The following DLG2 variants were observed in gnomAD, a reference collection of about 807,000 sequenced individuals.
DLG2 encodes the protein disks large homolog 2.
In DLG2, 45 loss-of-function variants were observed where a neutral mutation model predicts 132.5. The observed-to-expected ratio is 0.34, with a 90% CI of 0.27 to 0.44. The LOEUF (loss-of-function observed/expected upper bound fraction) is 0.44, where lower values mean the gene tolerates loss of function less well. DLG2 is among the 20% of genes least tolerant of loss of function. DLG2 has a pLI of 1.00. For missense variants in DLG2, 1,045 were observed against 1,196.9 expected (o/e 0.87, Z 1.87); for synonymous variants, 424 against 419.6 (o/e 1.01, Z -0.13).
At chr11:84,041,989 A>C (rs894281526) in intron 11 of DLG2, among the ~76,000 whole-genome samples, 2 of 151,790 alleles carry the variant, frequency 1.3e-5, no homozygotes, top group Non-Finnish European at 2.9e-5. Flanking sequence ...TGTGCCTTTC[A>C]CCTTCCACCA....
chr11:83,505,411 G>A (rs2094643631), intron 21 of DLG2, among the ~76,000 whole-genome samples: 1 of 152,184 alleles, frequency 6.6e-6, no homozygotes, highest in African/African-American at 2.4e-5. Context: ...GGCCCATTGG[G>A]CGATGACAGG....
chr11:84,109,177 C>T (rs2093179596), intron 9 of DLG2, among the ~76,000 whole-genome samples: 1 of 151,982 alleles, frequency 6.6e-6, no homozygotes, highest in Non-Finnish European at 1.5e-5. Flanking sequence ...CTGTGTTAGA[C>T]CTTACAATTG....
intron 4 of DLG2, among the ~76,000 whole-genome samples, chr11:85,265,520 C>T (rs1456166794): frequency 1.3e-5 from 2 of 152,206 alleles, no homozygotes; most frequent in Non-Finnish European, 2.9e-5. Context: ...CTGATAGAGG[C>T]AGGAGGCAGA....
rs371833696 is a variant in DLG2, at chr11:85,519,942, C to T, written c.40+78715G>A. On this transcript the variant is annotated intron_variant, in intron 3 of 27. Coordinates refer to ENST00000376104, the MANE Select transcript of DLG2 (RefSeq NM_001142699.3). ...CATGATTGTGAGGCCTCCCCAGCCA[C>T]GTAGAACTGTAAGTCCAATAAACCC... Among the ~76,000 whole-genome samples, 45 of 152,220 alleles carry T rather than the reference C, an allele frequency of 3.0e-4. No homozygotes were observed. In the South Asian group the frequency reaches 6.2e-3, roughly 21 times the overall value.
intron 11 of DLG2, among the ~76,000 whole-genome samples, chr11:84,015,769 T>C (rs893829592): frequency 1.3e-5 from 2 of 152,230 alleles, no homozygotes; most frequent in African/African-American, 4.8e-5. Flanking sequence ...CCACATTTTC[T>C]TTATCTAGTC....
chr11:83,787,283 C>G (rs536773091), intron 17 of DLG2, among the ~76,000 whole-genome samples: 3 of 148,946 alleles, frequency 2.0e-5, no homozygotes, highest in African/African-American at 7.5e-5. Context: ...CCTTGTCATC[C>G]TGAGCCTGGT....
chr11:84,518,777 G>A (rs1199325108), intron 7 of DLG2, among the ~76,000 whole-genome samples: 1 of 152,104 alleles, frequency 6.6e-6, no homozygotes, highest in Non-Finnish European at 1.5e-5. Context: ...AAGATAACAA[G>A]CTAAGGCGTG....
intron 6 of DLG2, among the ~76,000 whole-genome samples, chr11:84,934,525 G>GTTTTTTTTTTTTTTTTTTTTTT (rs757894179): frequency 7.8e-5 from 3 of 38,654 alleles, no homozygotes; most frequent in Non-Finnish European, 1.3e-4. Context: ...GTTTTGTTTT[G>GTTTTTTTTTTTTTTTTTTTTTT]TTTTTTTTTT....
intron 6 of DLG2, among the ~76,000 whole-genome samples, chr11:85,069,006 C>A (rs1380096005): frequency 6.6e-6 from 1 of 152,060 alleles, no homozygotes; most frequent in African/African-American, 2.4e-5. Flanking sequence ...TGCATATCTA[C>A]AACCATCTGA....
chr11:83,713,961 CA>C (rs2086092109), intron 18 of DLG2, among the ~76,000 whole-genome samples: 2 of 152,240 alleles, frequency 1.3e-5, no homozygotes, highest in African/African-American at 4.8e-5. Flanking sequence ...TCTAGAGTAT[CA>C]AAAGTGTGAA....
chr11:83,771,381 T>C (rs867765123), intron 18 of DLG2, among the ~76,000 whole-genome samples: 45 of 152,202 alleles, frequency 3.0e-4, no homozygotes, highest in Non-Finnish European at 7.3e-5. Context: ...TTGTAGGAAA[T>C]TCAAGTGTTT....
intron 8 of DLG2, among the ~76,000 whole-genome samples, chr11:84,196,763 G>A (rs184923094): frequency 2.0e-4 from 30 of 152,090 alleles, no homozygotes; most frequent in African/African-American, 6.3e-4. Context: ...AATGATGGCC[G>A]AGTGCAGTGG....
intron 8 of DLG2, among the ~76,000 whole-genome samples, chr11:84,221,400 G>T (rs1237002659): frequency 1.3e-5 from 2 of 152,044 alleles, no homozygotes; most frequent in Admixed American, 6.5e-5. Flanking sequence ...GGAGGTGGAG[G>T]CTGTGGTGAG....
At chr11:85,376,344 CAT>C (rs1298176512) in intron 3 of DLG2, among the ~76,000 whole-genome samples, 1 of 152,104 alleles carries the variant, frequency 6.6e-6, no homozygotes, top group Non-Finnish European at 1.5e-5. Context: ...ATAAGACAAT[CAT>C]AGAATTCACT....
At chr11:83,480,470 C>A in intron 22 of DLG2, 5 of 1,511,534 alleles carry the variant, frequency 3.3e-6, no homozygotes, top group Non-Finnish European at 2.7e-6. Context: ...GCAGCCAGAA[C>A]GGAAAGGAAT....
intron 3 of DLG2, among the ~76,000 whole-genome samples, chr11:85,517,061 A>C (rs543926008): frequency 7.3e-4 from 111 of 152,254 alleles, no homozygotes; most frequent in Non-Finnish European, 1.5e-3. Flanking sequence ...ACAGCACATC[A>C]AAAAGATAGT....
At chr11:84,750,530 AATATC>A (rs1168265493) in intron 6 of DLG2, among the ~76,000 whole-genome samples, 1 of 152,080 alleles carries the variant, frequency 6.6e-6, no homozygotes, top group Non-Finnish European at 1.5e-5. Context: ...TAAAAAAATA[AATATC>A]ATATATAAAT....
intron 8 of DLG2, among the ~76,000 whole-genome samples, chr11:84,226,120 T>C (rs1374305583): frequency 2.6e-5 from 4 of 152,182 alleles, no homozygotes; most frequent in African/African-American, 4.8e-5. Context: ...CTAAACATTT[T>C]CTTTGGATAG....
intron 18 of DLG2, among the ~76,000 whole-genome samples, chr11:83,770,261 TTTTG>T (rs1396183324): frequency 2.7e-5 from 4 of 146,876 alleles, no homozygotes; most frequent in African/African-American, 8.1e-5. Context: ...TGGTGTTTTT[TTTTG>T]TTTTTTTGCT....
Sources: allele counts gnomAD v4.1 joint callset (sites outside exome capture counted in the v4.1 genomes callset), GRCh38; gene constraint gnomAD v4.1.1; transcripts MANE v1.5; gene names NCBI Gene and HGNC (gene_info 2026-07-23, HGNC 2026-07-21).